ASTN2: variants seen among roughly 807,000 people sequenced by gnomAD.
ASTN2 encodes astrotactin-2.
ASTN2 carries 54 observed loss-of-function variants against 139.8 expected under a neutral mutation model. The ratio of observed to expected loss-of-function variants is 0.39; its 90% CI spans 0.31 to 0.48. ASTN2 has a LOEUF of 0.48. Among genes scored for constraint, ASTN2 ranks in the 20% least tolerant of loss-of-function variants. ASTN2 has a pLI of 0.95. For synonymous variants in ASTN2, 756 were observed against 719.5 expected, an observed-to-expected ratio of 1.05 and a Z score of -0.81; for missense variants, 1,565 against 1,725.1, an observed-to-expected ratio of 0.91 and a Z score of 1.64.
chr9:116,763,857 G>A (rs1275631287), intron 13 of ASTN2, among the ~76,000 whole-genome samples: 1 of 152,130 alleles, frequency 6.6e-6, no homozygotes, highest in Non-Finnish European at 1.5e-5. Context: ...ACTGAGCTAG[G>A]CCATTGCAGG....
At chr9:117,181,637 C>G (rs188575918) in intron 3 of ASTN2, among the ~76,000 whole-genome samples, 5 of 152,230 alleles carry the variant, frequency 3.3e-5, no homozygotes, top group South Asian at 2.1e-4. Context: ...GTAGCTCTAC[C>G]ACTTCCTGGT....
intron 3 of ASTN2, among the ~76,000 whole-genome samples, chr9:117,172,765 C>T (rs1830824550): frequency 6.6e-6 from 1 of 152,148 alleles, no homozygotes; most frequent in Non-Finnish European, 1.5e-5. Flanking sequence ...ATTCATTCAT[C>T]AAGGGCATAC....
intron 6 of ASTN2, among the ~76,000 whole-genome samples, chr9:117,029,911 T>A (rs964506466): frequency 1.3e-5 from 2 of 152,000 alleles, no homozygotes; most frequent in Non-Finnish European, 2.9e-5. Context: ...TGAGGAAAAG[T>A]CACAACATTC....
intron 11 of ASTN2, among the ~76,000 whole-genome samples, chr9:116,861,119 T>C (rs2132336854): frequency 6.6e-6 from 1 of 152,164 alleles, no homozygotes; most frequent in Middle Eastern, 3.4e-3. Context: ...TTGAATCTTC[T>C]CTTATCCCCT....
In ASTN2 at chr9:117,214,558, C is replaced by T. The variant is rs1387133062; in HGVS notation, c.815G>A (p.Arg272Gln). Residue 272 changes from arginine to glutamine, a missense_variant, in exon 3 of 23, where the codon CGG (arginine) becomes CAG (glutamine). Physicochemically the swap from Arg to Gln is conservative, Grantham distance 43 (BLOSUM62 1). Coordinates refer to ENST00000313400, the MANE Select transcript of ASTN2 (RefSeq NM_001365068.1). ...AATGACGGAATTGTGGGTTTGCAGCCGGGATGAACGGAAGCTCTCCCGCGC... is the reference window on the plus strand; with the variant it reads ...AATGACGGAATTGTGGGTTTGCAGCTGGGATGAACGGAAGCTCTCCCGCGC... ...PQARESFRSS[R>Q]LQTHNSVIGV... 2 of 1,612,114 alleles carry T rather than the reference C, an allele frequency of 1.2e-6. No individual in the cohort carries two copies. Among genetic ancestry groups the T allele is most frequent in the Non-Finnish European group, 1.7e-6 (2 of 1,178,292 alleles).
At chr9:116,703,729 T>TAATAA (rs1827914454) in intron 16 of ASTN2, among the ~76,000 whole-genome samples, 1 of 145,756 alleles carries the variant, frequency 6.9e-6, no homozygotes, top group Non-Finnish European at 1.5e-5. Flanking sequence ...AGTATAATAA[T>TAATAA]AAAAAAAAAA....
chr9:116,463,454 T>C (rs1337913344), intron 20 of ASTN2, among the ~76,000 whole-genome samples: 4 of 152,200 alleles, frequency 2.6e-5, no homozygotes, highest in Non-Finnish European at 5.9e-5. Context: ...GCCTTCATTA[T>C]ATGCTTCAGC....
chr9:116,766,326 G>C lies in ASTN2; in HGVS notation c.2397-32803C>G, dbSNP rs553807009. On this transcript the variant is annotated intron_variant, in intron 13 of 22. Coordinates refer to ENST00000313400, the MANE Select transcript of ASTN2 (RefSeq NM_001365068.1). ...CACTCACATACACTTAACCACACATGGTCACATCACACACATTCACACTCA... is the reference window on the plus strand; with the variant it reads ...CACTCACATACACTTAACCACACATCGTCACATCACACACATTCACACTCA... 2.0e-5 allele frequency among the ~76,000 whole-genome samples: 3 copies of C among 151,692 alleles called. No individual in the cohort carries two copies. In the South Asian group the frequency reaches 6.3e-4, roughly 32 times the overall value.
At chr9:116,959,265 G>A (rs1835811414) in intron 10 of ASTN2, among the ~76,000 whole-genome samples, 1 of 152,216 alleles carries the variant, frequency 6.6e-6, no homozygotes, top group Non-Finnish European at 1.5e-5. Context: ...GCCAGATAAA[G>A]TGGCAGGTGT....
At chr9:116,644,614 T>A (rs1405601139) in intron 17 of ASTN2, among the ~76,000 whole-genome samples, 1 of 152,220 alleles carries the variant, frequency 6.6e-6, no homozygotes, top group Non-Finnish European at 1.5e-5. Context: ...AGTTTTACTA[T>A]CTGTAAAATA....
chr9:117,118,549 G>A (rs1272738874), intron 4 of ASTN2, among the ~76,000 whole-genome samples: 3 of 152,178 alleles, frequency 2.0e-5, no homozygotes, highest in Non-Finnish European at 2.9e-5. Flanking sequence ...TATTCCCAAT[G>A]CCTATTCCAT....
intron 13 of ASTN2, among the ~76,000 whole-genome samples, chr9:116,744,506 A>C (rs192801966): frequency 5.3e-5 from 8 of 152,286 alleles, no homozygotes; most frequent in Middle Eastern, 3.4e-3. Flanking sequence ...GTTTTGCAGT[A>C]ATCCAGACAA....
Position 116,698,473 on chromosome 9 carries a change from C to T in ASTN2, c.2806+27298G>A. ...GTGTCTCGCTGTGACTACTTCCTGG[C>T]CAAGATCAAGCAGGCAGATGTAGCA... On this transcript the variant is annotated intron_variant, in intron 16 of 22. Transcript: ENST00000313400. The surrounding 1 kb of genome is among the most constrained non-coding windows in gnomAD (Gnocchi z 4.4). 6.2e-7 allele frequency: 1 copy of T among 1,613,864 alleles called. No homozygotes were observed. Among genetic ancestry groups the T allele is most frequent in the Non-Finnish European group, 8.5e-7 (1 of 1,179,994 alleles).
rs541970385 is a variant in ASTN2 at position 117,287,199 on chromosome 9, GA to G, written c.630+4126del. ...TGAGTGTGATCTCATTCCGTGCCTAGAAAAAAAATCTCTAAGTATTGGGGAA... is the reference window on the plus strand; with the variant it reads ...TGAGTGTGATCTCATTCCGTGCCTAGAAAAAAATCTCTAAGTATTGGGGAA... On this transcript the variant is annotated intron_variant, in intron 2 of 22. Transcript: ENST00000313400. 2.1e-3 allele frequency among the ~76,000 whole-genome samples: 316 copies of G among 151,870 alleles called. 1 individual carries two copies. Among genetic ancestry groups the G allele is most frequent in the African/African-American group, 7.1e-3 (292 of 41,418 alleles).
At chr9:116,615,226 C>T (rs1482610689) in intron 19 of ASTN2, among the ~76,000 whole-genome samples, 2 of 152,130 alleles carry the variant, frequency 1.3e-5, no homozygotes, top group Non-Finnish European at 2.9e-5. Context: ...CAGAAAACAA[C>T]AGGTGCTGGA....
intron 10 of ASTN2, among the ~76,000 whole-genome samples, chr9:116,964,884 A>T (rs1457851919): frequency 6.6e-6 from 1 of 152,230 alleles, no homozygotes; most frequent in African/African-American, 2.4e-5. Flanking sequence ...TGGATAAGAC[A>T]GTTCCATTTC....
intron 2 of ASTN2, among the ~76,000 whole-genome samples, chr9:117,269,700 C>T (rs1053948258): frequency 6.6e-6 from 1 of 152,156 alleles, no homozygotes; most frequent in African/African-American, 2.4e-5. Flanking sequence ...TTTTAATGCT[C>T]ACAGCAAACA....
chr9:117,384,061 A>T (rs982571739), intron 1 of ASTN2, among the ~76,000 whole-genome samples: 1 of 152,200 alleles, frequency 6.6e-6, no homozygotes, highest in African/African-American at 2.4e-5. Context: ...TGGCTTCAGC[A>T]GCCAGCTGCA....
At chr9:117,335,353 A>G (rs1478711956) in intron 1 of ASTN2, among the ~76,000 whole-genome samples, 4 of 152,196 alleles carry the variant, frequency 2.6e-5, no homozygotes, top group African/African-American at 9.6e-5. Context: ...TATTTTCTCC[A>G]CCATAAGCTC....
Sources: allele counts gnomAD v4.1 joint callset (sites outside exome capture counted in the v4.1 genomes callset), GRCh38; gene constraint gnomAD v4.1.1; non-coding constraint Gnocchi (gnomAD v3.1); transcripts MANE v1.5; gene names NCBI Gene and HGNC (gene_info 2026-07-23, HGNC 2026-07-21).